CLVS1: variants seen among roughly 807,000 people sequenced by gnomAD.
The protein encoded by CLVS1 is clavesin-1.
A neutral mutation model predicts 33.1 loss-of-function variants in CLVS1; 10 were observed. The ratio of observed to expected loss-of-function variants is 0.30; its 90% confidence interval spans 0.19 to 0.51. The LOEUF is 0.51. Ranked by LOEUF, CLVS1 falls within the 20% of genes least tolerant of loss-of-function variation. The probability of loss-of-function intolerance (pLI) is 0.97; values close to 1 mark genes in which losing one functional copy is unlikely to be tolerated. For synonymous variants in CLVS1, 163 were observed against 166.1 expected, an observed-to-expected ratio of 0.98 and a Z score of 0.14; for missense variants, 343 against 433.4, an observed-to-expected ratio of 0.79 and a Z score of 1.85.
intron 2 of CLVS1, among the ~76,000 whole-genome samples, chr8:61,365,020 G>T (rs902350377): frequency 1.2e-4 from 18 of 152,178 alleles, no homozygotes; most frequent in African/African-American, 4.3e-4. Flanking sequence ...AAGAGTGACT[G>T]CAGAATATCA....
chr8:61,058,745 T>C (rs1451557125), intron 1 of CLVS1, among the ~76,000 whole-genome samples: 2 of 152,214 alleles, frequency 1.3e-5, no homozygotes, highest in Non-Finnish European at 1.5e-5. Context: ...TGTTTTCTGT[T>C]ATAATAGCTG....
At chr8:61,438,657 C>T (rs757129327) in intron 3 of CLVS1, among the ~76,000 whole-genome samples, 5 of 152,152 alleles carry the variant, frequency 3.3e-5, no homozygotes, top group Admixed American at 6.5e-5. Context: ...TGGGTAAAAG[C>T]GTTCCTATTT....
At position 61,125,323 on chromosome 8, in the gene CLVS1, CA is replaced by C. The variant is rs577610078; in HGVS notation, c.-242-6446del. Among the ~76,000 whole-genome samples, 6 of 152,202 alleles carry C rather than the reference CA, an allele frequency of 3.9e-5. No individual in the cohort carries two copies. The East Asian group carries it at 9.6e-4, about 24-fold the overall frequency. Reference sequence around the variant, plus strand: ...TCACAGCTATGGATGGTTTGGGGGTCAGGGGGAAGGCTCTGTGGGAGAGCAG... The same window carrying C: ...TCACAGCTATGGATGGTTTGGGGGTCGGGGGAAGGCTCTGTGGGAGAGCAG... On this transcript the variant is annotated intron_variant, in intron 1 of 2. Coordinates refer to the CLVS1 transcript ENST00000522621.
chr8:61,027,095 G>A, the CLVS1 span, among the ~76,000 whole-genome samples: 1 of 152,170 alleles, frequency 6.6e-6, no homozygotes, highest in Non-Finnish European at 1.5e-5. Context: ...ATCATGTTGA[G>A]TTTTCATATG....
intron 2 of CLVS1, among the ~76,000 whole-genome samples, chr8:61,341,957 A>G (rs1332127544): frequency 2.0e-5 from 3 of 152,140 alleles, no homozygotes; most frequent in Non-Finnish European, 4.4e-5. Flanking sequence ...TCAAAAAGTC[A>G]TGAAAATGTG....
chr8:61,037,221 C>T, the CLVS1 span, among the ~76,000 whole-genome samples: 1 of 152,090 alleles, frequency 6.6e-6, no homozygotes, highest in African/African-American at 2.4e-5. Context: ...GGTCTAAAGT[C>T]CACTTACATT....
chr8:61,350,168 A>G (rs1426224032), intron 2 of CLVS1, among the ~76,000 whole-genome samples: 1 of 152,120 alleles, frequency 6.6e-6, no homozygotes, highest in Non-Finnish European at 1.5e-5. Flanking sequence ...TTATTTTATT[A>G]GCTCAATTTA....
chr8:61,033,055 G>GAA, the CLVS1 span, among the ~76,000 whole-genome samples: 373 of 60,394 alleles, frequency 6.2e-3, 20 homozygotes, highest in Non-Finnish European at 9.3e-3. Context: ...GAAAAAGAAA[G>GAA]AAAGATAGAA....
the CLVS1 span, among the ~76,000 whole-genome samples, chr8:60,965,570 G>C: frequency 6.6e-6 from 1 of 152,144 alleles, no homozygotes; most frequent in South Asian, 2.1e-4. Flanking sequence ...GGGCAGGGAG[G>C]GGGCAAACAA....
chr8:61,053,868 G>A (rs1007117278), upstream of CLVS1, among the ~76,000 whole-genome samples: 7 of 152,194 alleles, frequency 4.6e-5, no homozygotes, highest in South Asian at 1.2e-3. Context: ...TACCTGTCGG[G>A]TGGACTCACC....
chr8:61,188,291 G>A (rs1807386792), intron 2 of CLVS1, among the ~76,000 whole-genome samples: 2 of 152,080 alleles, frequency 1.3e-5, no homozygotes, highest in Admixed American at 1.3e-4. Context: ...CAGCAGGCAT[G>A]GGGCAGAAGC....
intron 3 of CLVS1, among the ~76,000 whole-genome samples, chr8:61,447,479 T>C (rs1403080794): frequency 1.3e-5 from 2 of 151,956 alleles, no homozygotes; most frequent in Non-Finnish European, 2.9e-5. Flanking sequence ...TGCCTTCTTC[T>C]GGGTTACTTG....
chr8:61,382,616 C>T (rs1170114351), intron 3 of CLVS1, among the ~76,000 whole-genome samples: 2 of 152,198 alleles, frequency 1.3e-5, no homozygotes, highest in African/African-American at 2.4e-5. Flanking sequence ...TATAGTAGAA[C>T]GTGATGGATA....
intron 2 of CLVS1, among the ~76,000 whole-genome samples, chr8:61,357,517 T>C (rs1812783443): frequency 8.0e-6 from 1 of 125,012 alleles, no homozygotes; most frequent in Non-Finnish European, 1.7e-5. Flanking sequence ...TTTTTTTTTT[T>C]TTTTTGAGAT....
chr8:61,454,968 A>G (rs1035106548), intron 4 of CLVS1, among the ~76,000 whole-genome samples: 6 of 152,224 alleles, frequency 3.9e-5, no homozygotes, highest in African/African-American at 1.4e-4. Flanking sequence ...ATCATGATGC[A>G]GTTGGTACAT....
At chr8:61,204,271 T>C (rs1305429887) in intron 2 of CLVS1, among the ~76,000 whole-genome samples, 1 of 152,244 alleles carries the variant, frequency 6.6e-6, no homozygotes, top group Admixed American at 6.5e-5. Flanking sequence ...TTGTTGGTTC[T>C]TGCTAACCAA....
chr8:60,967,910 C>A, the CLVS1 span: 3 of 314,388 alleles, frequency 9.5e-6, no homozygotes, highest in Non-Finnish European at 1.9e-5. Context: ...CTCCACACAC[C>A]CGTGGACTAA....
the CLVS1 span, among the ~76,000 whole-genome samples, chr8:61,037,074 G>A: frequency 5.3e-5 from 8 of 152,102 alleles, no homozygotes; most frequent in Non-Finnish European, 1.0e-4. Context: ...GTTTATACAG[G>A]TACTGCCATG....
intron 1 of CLVS1, among the ~76,000 whole-genome samples, chr8:61,078,169 A>G (rs1160903893): frequency 6.6e-6 from 1 of 152,230 alleles, no homozygotes; most frequent in Non-Finnish European, 1.5e-5. Flanking sequence ...AGCTGATAAA[A>G]GAAGCTGTGT....
Sources: allele counts gnomAD v4.1 joint callset (sites outside exome capture counted in the v4.1 genomes callset), GRCh38; gene constraint gnomAD v4.1.1; transcripts MANE v1.5; gene names NCBI Gene and HGNC (gene_info 2026-07-23, HGNC 2026-07-21).